The following ATP8A1 variants were observed in gnomAD, a reference collection of about 807,000 sequenced individuals.
ATP8A1 encodes the protein ATPase phospholipid transporting 8A1, also known as phospholipid-transporting ATPase IA.
Under a neutral mutation model 177.7 loss-of-function variants are expected in ATP8A1, and 90 were observed. The ratio of observed to expected loss-of-function variants is 0.51; its 90% CI spans 0.43 to 0.60. The LOEUF is 0.60. ATP8A1 is among the 20% of genes least tolerant of loss of function. The probability of loss-of-function intolerance (pLI) is 0.00; values close to 1 mark genes in which losing one functional copy is unlikely to be tolerated. For missense variants in ATP8A1, 1,072 were observed against 1,392.8 expected, an observed-to-expected ratio of 0.77 and a Z score of 3.67; for synonymous variants, 493 against 485.9, an observed-to-expected ratio of 1.01 and a Z score of -0.19.
At chr4:42,584,083 T>C (rs1400377332) in intron 9 of ATP8A1, among the ~76,000 whole-genome samples, 2 of 152,240 alleles carry the variant, frequency 1.3e-5, no homozygotes, top group Non-Finnish European at 2.9e-5. Flanking sequence ...GTTCAGGGTA[T>C]ACTTCAAATG....
At chr4:42,507,922 GGAAAT>G (rs1264127381) in intron 22 of ATP8A1, among the ~76,000 whole-genome samples, 3 of 151,858 alleles carry the variant, frequency 2.0e-5, no homozygotes, top group Admixed American at 6.6e-5. Context: ...AGCAGTGTCA[GGAAAT>G]GTATACACAA....
At position 42,552,487 on chromosome 4, in the gene ATP8A1, C is replaced by T. The variant is rs1381708632; in HGVS notation, c.1519+18G>A. 20 of 1,573,972 alleles carry T rather than the reference C, an allele frequency of 1.3e-5. No individual in the cohort carries two copies. The highest frequency in any genetic ancestry group is 1.6e-5 in the Non-Finnish European group (18 of 1,146,660). On this transcript the variant is annotated intron_variant, in intron 17 of 36. Transcript: ENST00000381668. The stretch of plus-strand genomic sequence containing the variant: ...CAATTTTCCACAAAACAATACTTTA[C>T]AATTGCTTCATTTGTACCTGGAGAT...
Position 42,455,507 on chromosome 4 carries a change from C to T in ATP8A1, c.2694+18G>A. ...AAGTATTCAATGAAACAGGAATTAT[C>T]AAATGTCCTAAACTTACCACGTTAT... On this transcript the variant is annotated intron_variant, in intron 28 of 36. Coordinates refer to ENST00000381668, the MANE Select transcript of ATP8A1 (RefSeq NM_006095.2). The T allele has an allele frequency of 1.2e-6, 2 of 1,613,418 alleles. No individual in the cohort carries two copies. Among genetic ancestry groups the T allele is most frequent in the Non-Finnish European group, 1.7e-6 (2 of 1,179,676 alleles).
chr4:42,424,992 T>C (rs1714421169), intron 33 of ATP8A1, among the ~76,000 whole-genome samples: 1 of 152,210 alleles, frequency 6.6e-6, no homozygotes, highest in Non-Finnish European at 1.5e-5. Flanking sequence ...AACATGATCT[T>C]TGACATGTTT....
At chr4:42,582,207 T>C (rs1407840104) in intron 9 of ATP8A1, among the ~76,000 whole-genome samples, 1 of 152,142 alleles carries the variant, frequency 6.6e-6, no homozygotes, top group African/African-American at 2.4e-5. Flanking sequence ...AACCCAATCA[T>C]GCAGGTACTC....
chr4:42,641,502 CTT>C (rs71648739), intron 1 of ATP8A1, among the ~76,000 whole-genome samples: 94 of 147,528 alleles, frequency 6.4e-4, no homozygotes, highest in African/African-American at 2.2e-3. Flanking sequence ...TTTTAAATTT[CTT>C]TTTTTTTTTT....
chr4:42,554,202 G>A (rs1209317521), intron 16 of ATP8A1, among the ~76,000 whole-genome samples: 1 of 152,186 alleles, frequency 6.6e-6, no homozygotes, highest in Non-Finnish European at 1.5e-5. Flanking sequence ...TGGCCAGGAG[G>A]CTACCACAGG....
chr4:42,475,976 G>A (rs911077983), intron 25 of ATP8A1, among the ~76,000 whole-genome samples: 3 of 152,050 alleles, frequency 2.0e-5, no homozygotes, highest in Non-Finnish European at 2.9e-5. Flanking sequence ...GGAGGCAGAG[G>A]TTGCAGTGAG....
intron 25 of ATP8A1, among the ~76,000 whole-genome samples, chr4:42,478,573 A>G (rs1477997540): frequency 1.3e-4 from 2 of 15,844 alleles, no homozygotes; most frequent in South Asian, 8.9e-3. Flanking sequence ...CAAAAAAAAA[A>G]CCACATAAAA....
At chr4:42,564,491 G>C (rs570127750) in intron 15 of ATP8A1, among the ~76,000 whole-genome samples, 3 of 152,222 alleles carry the variant, frequency 2.0e-5, no homozygotes, top group Non-Finnish European at 2.9e-5. Flanking sequence ...CTGGATGTGA[G>C]ACATGGAATC....
intron 32 of ATP8A1, 117 bp downstream of exon 32, chr4:42,444,461 T>C: frequency 1.1e-6 from 1 of 948,694 alleles, no homozygotes; most frequent in Non-Finnish European, 1.6e-6. Context: ...TGAAAACCTG[T>C]GGACTAGGAC....
intron 7 of ATP8A1, 102 bp downstream of exon 7, chr4:42,590,709 A>T: frequency 1.9e-6 from 2 of 1,067,546 alleles, no homozygotes; most frequent in Non-Finnish European, 2.8e-6. Flanking sequence ...TTTGTGTTTT[A>T]AAGGAAGAGA....
At chr4:42,506,920 A>G (rs1724420853) in intron 23 of ATP8A1, 96 bp downstream of exon 23, 21 of 1,401,802 alleles carry the variant, frequency 1.5e-5, no homozygotes, top group Non-Finnish European at 2.0e-5. Context: ...TGACATATCA[A>G]ATCTTTTAGA....
At chr4:42,581,125 T>C (rs1732996241) in intron 10 of ATP8A1, among the ~76,000 whole-genome samples, 1 of 151,974 alleles carries the variant, frequency 6.6e-6, no homozygotes, top group Non-Finnish European at 1.5e-5. Context: ...CGTGTGCAGT[T>C]AGCCATTCTT....
At chr4:42,585,879 T>C (rs1733565167) in intron 9 of ATP8A1, among the ~76,000 whole-genome samples, 1 of 152,070 alleles carries the variant, frequency 6.6e-6, no homozygotes, top group African/African-American at 2.4e-5. Flanking sequence ...AGAAAGAACA[T>C]TTGAAATTTC....
chr4:42,614,153 G>A (rs1426041797), intron 5 of ATP8A1, among the ~76,000 whole-genome samples: 1 of 152,148 alleles, frequency 6.6e-6, no homozygotes, highest in African/African-American at 2.4e-5. Context: ...AATTTTATCT[G>A]AATGGTAGGC....
Position 42,522,203 on chromosome 4 carries a change from T to C in ATP8A1, c.1904A>G (p.Asn635Ser). ...ACTCTCTTCGAGTTTGAGTAGCCTGTTCTGCACAGATGTAGATGCTCGCTG... is the reference window on the plus strand; with the variant it reads ...ACTCTCTTCGAGTTTGAGTAGCCTGCTCTGCACAGATGTAGATGCTCGCTG... ...VYQRASTSVQNRLLKLEESYE... is the reference protein window; with the variant it reads ...VYQRASTSVQSRLLKLEESYE... Residue 635 changes from asparagine to serine, a missense_variant, in exon 22 of 37, where the codon AAC becomes AGC. Around this residue, in one of 5 missense-constraint regions of ATP8A1, gnomAD observed 388 missense variants for 471.7 expected, o/e 0.82. Transcript: ENST00000381668. 1 of 1,613,708 alleles carries C rather than the reference T, an allele frequency of 6.2e-7. No individual in the cohort carries two copies. The highest frequency in any genetic ancestry group is 2.2e-5 in the East Asian group (1 of 44,864).
At chr4:42,619,848 G>A (rs1015351741) in intron 4 of ATP8A1, among the ~76,000 whole-genome samples, 1 of 152,092 alleles carries the variant, frequency 6.6e-6, no homozygotes, top group African/African-American at 2.4e-5. Flanking sequence ...ATAAAGAGAT[G>A]CGTGCTCCAT....
intron 1 of ATP8A1, among the ~76,000 whole-genome samples, chr4:42,639,216 G>T (rs2109539637): frequency 6.6e-6 from 1 of 152,058 alleles, no homozygotes; most frequent in African/African-American, 2.4e-5. Flanking sequence ...ACAAGCACAA[G>T]ATTAAAAAAA....
Sources: allele counts gnomAD v4.1 joint callset (sites outside exome capture counted in the v4.1 genomes callset), GRCh38; gene constraint gnomAD v4.1.1; regional missense constraint gnomAD v4.1.1; transcripts MANE v1.5; gene names NCBI Gene and HGNC (gene_info 2026-07-23, HGNC 2026-07-21).